The following PSTPIP2 variants were observed in gnomAD, a reference collection of about 807,000 sequenced individuals.
The protein encoded by PSTPIP2 is proline-serine-threonine phosphatase interacting protein 2.
Under a neutral mutation model 63.3 loss-of-function variants are expected in PSTPIP2, and 33 were observed. The observed-to-expected ratio is 0.52, with a 90% CI of 0.40 to 0.70. PSTPIP2 has a LOEUF of 0.70. PSTPIP2 is among the 30% of genes least tolerant of loss of function. The pLI is 0.00. For synonymous variants in PSTPIP2, 125 were observed against 132.7 expected (o/e 0.94, Z 0.40); for missense variants, 312 against 400.7 (o/e 0.78, Z 1.89).
At chr18:46,042,450 C>A (rs1211368155) in intron 1 of PSTPIP2, among the ~76,000 whole-genome samples, 2 of 152,096 alleles carry the variant, frequency 1.3e-5, no homozygotes, top group Admixed American at 1.3e-4. Context: ...TCTCAGAGTC[C>A]CCAGCATCTG....
chr18:46,063,159 T>C (rs921052832), intron 1 of PSTPIP2, among the ~76,000 whole-genome samples: 1 of 152,130 alleles, frequency 6.6e-6, no homozygotes, highest in Non-Finnish European at 1.5e-5. Flanking sequence ...CTGGCCACCA[T>C]GCCTTGCTAA....
chr18:46,061,306 CAAA>C (rs112035966), intron 1 of PSTPIP2, among the ~76,000 whole-genome samples: 5 of 115,886 alleles, frequency 4.3e-5, no homozygotes, highest in Admixed American at 9.0e-5. Flanking sequence ...TCCATTTCAC[CAAA>C]AAAAAAAAAA....
chr18:46,056,463 T>C lies in PSTPIP2; in HGVS notation c.33+15693A>G, dbSNP rs112101833. On this transcript the variant is annotated intron_variant, in intron 1 of 14. Coordinates refer to ENST00000409746, the MANE Select transcript of PSTPIP2 (RefSeq NM_024430.4). ...GCGTGGTTGCTCATGCCTGTAATCC[T>C]AGTGCTTTGGGAGGCCAAGGTGGGA... 5.7e-3 allele frequency among the ~76,000 whole-genome samples: 872 copies of C among 152,336 alleles called. 16 individuals carry two copies. Among genetic ancestry groups the C allele is most frequent in the Admixed American group, 0.032 (490 of 15,290 alleles).
At chr18:46,068,375 G>A (rs1341032427) in intron 1 of PSTPIP2, among the ~76,000 whole-genome samples, 1 of 152,112 alleles carries the variant, frequency 6.6e-6, no homozygotes, top group East Asian at 1.9e-4. Flanking sequence ...TCAGCTCACT[G>A]CAAGCTCCAC....
intron 1 of PSTPIP2, among the ~76,000 whole-genome samples, chr18:46,044,627 A>G (rs79700463): frequency 0.57 from 85,751 of 151,680 alleles, 24,429 homozygotes; most frequent in African/African-American, 0.64. Context: ...AACACTAAAA[A>G]CAATGGCAAC....
intron 14 of PSTPIP2, 67 bp from the exon 15 acceptor site, chr18:45,985,517 G>A (rs2051457845): frequency 6.5e-7 from 1 of 1,534,474 alleles, no homozygotes; most frequent in East Asian, 2.3e-5. Flanking sequence ...CTCCTACCTT[G>A]AGAGTATATT....
Position 45,989,495 on chromosome 18 carries a change from CT to C in PSTPIP2, c.956-737del, listed in dbSNP as rs557972194. 2.7e-3 allele frequency among the ~76,000 whole-genome samples: 416 copies of C among 152,316 alleles called. 3 individuals carry two copies. Among genetic ancestry groups the C allele is most frequent in the African/African-American group, 9.5e-3 (393 of 41,562 alleles). ...TGTAAGTCCAATTAAGCCTCTTTTT[CT>C]TCCCAGTCTTGGGTATGTCTTTATC... is the stretch of plus-strand genomic sequence containing the variant. On this transcript the variant is annotated intron_variant, in intron 13 of 14. Transcript: ENST00000409746.
chr18:45,997,577 T>C (rs1016213629), intron 9 of PSTPIP2, among the ~76,000 whole-genome samples, 172 bp downstream of exon 9: 7 of 150,312 alleles, frequency 4.7e-5, no homozygotes, highest in African/African-American at 1.2e-4. Context: ...CTCCAGGTTC[T>C]GGGCAGAAGA....
intron 1 of PSTPIP2, among the ~76,000 whole-genome samples, chr18:46,057,855 G>A (rs1053950957): frequency 5.9e-5 from 9 of 151,608 alleles, no homozygotes; most frequent in Non-Finnish European, 7.4e-5. Context: ...AAAATTAGCC[G>A]GGCGTGGTGG....
chr18:46,024,940 C>G (rs1183742950), intron 2 of PSTPIP2, among the ~76,000 whole-genome samples: 3 of 152,176 alleles, frequency 2.0e-5, no homozygotes, highest in Non-Finnish European at 2.9e-5. Flanking sequence ...TACAGTAAAA[C>G]TGAACATTTG....
intron 1 of PSTPIP2, among the ~76,000 whole-genome samples, chr18:46,053,841 C>T (rs948918517): frequency 1.3e-5 from 2 of 152,088 alleles, no homozygotes; most frequent in Non-Finnish European, 2.9e-5. Flanking sequence ...AAATGCATAG[C>T]GCTAAGTAAA....
intron 3 of PSTPIP2, among the ~76,000 whole-genome samples, chr18:46,018,488 C>T (rs1307682743): frequency 1.3e-5 from 2 of 152,082 alleles, no homozygotes; most frequent in East Asian, 1.9e-4. Flanking sequence ...CCTGCCTCAG[C>T]CTCCCGAGTA....
chr18:46,015,430 G>T (rs113698632), intron 4 of PSTPIP2, among the ~76,000 whole-genome samples: 1 of 152,140 alleles, frequency 6.6e-6, no homozygotes, highest in African/African-American at 2.4e-5. Context: ...TGAGGCAGGT[G>T]GGGGTGTGGA....
chr18:46,039,776 A>G (rs1198113641), intron 2 of PSTPIP2, among the ~76,000 whole-genome samples, 171 bp downstream of exon 2: 1 of 152,188 alleles, frequency 6.6e-6, no homozygotes, highest in Non-Finnish European at 1.5e-5. Flanking sequence ...ACTTGTTTCT[A>G]AGAACTTTAG....
chr18:46,038,950 A>G lies in PSTPIP2; in HGVS notation c.134+997T>C, dbSNP rs573792641. The stretch of plus-strand genomic sequence containing the variant: ...TCGAGAGTTTGAGACCAGCCTGACC[A>G]ACATGGAGAAACCCCATCTCTACTA... On this transcript the variant is annotated intron_variant, in intron 2 of 14. Transcript: ENST00000409746. 5.9e-5 allele frequency among the ~76,000 whole-genome samples: 9 copies of G among 152,336 alleles called. No individual in the cohort carries two copies. In the East Asian group the frequency reaches 1.7e-3, roughly 29 times the overall value.
chr18:46,024,166 C>T (rs1265908559), intron 3 of PSTPIP2, among the ~76,000 whole-genome samples: 1 of 151,844 alleles, frequency 6.6e-6, no homozygotes, highest in African/African-American at 2.4e-5. Flanking sequence ...GAGACAGAGT[C>T]TTGCTCTGAC....
chr18:46,004,405 TAGAG>T, intron 6 of PSTPIP2, among the ~76,000 whole-genome samples: 1 of 152,350 alleles, frequency 6.6e-6, no homozygotes, highest in African/African-American at 2.4e-5. Flanking sequence ...ACATAAAAGC[TAGAG>T]AGAGATTTCT....
chr18:45,997,888 AC>A lies in PSTPIP2; in HGVS notation c.563-61del, dbSNP rs2144067347. 2.0e-6 allele frequency: 3 copies of A among 1,470,062 alleles called. No homozygotes were observed. The Admixed American group carries it at 5.0e-5, about 25-fold the overall frequency. 91.1% of individuals were successfully genotyped at this position (1,470,062 alleles called of 1,614,324 possible). On this transcript the variant is annotated intron_variant, in intron 8 of 14. Transcript: ENST00000409746. Reference sequence around the variant, plus strand: ...AGACAGGAAGGTGGCTCGCAGATACACCCACAGGCTGGTCTCAGATGGCAAA... The same window carrying A: ...AGACAGGAAGGTGGCTCGCAGATACACCACAGGCTGGTCTCAGATGGCAAA...
intron 3 of PSTPIP2, among the ~76,000 whole-genome samples, chr18:46,020,580 A>G (rs1013585756): frequency 4.6e-5 from 7 of 152,134 alleles, no homozygotes; most frequent in African/African-American, 1.7e-4. Flanking sequence ...TGAACCCCGG[A>G]GGCAGAGGTT....
Sources: allele counts gnomAD v4.1 joint callset (sites outside exome capture counted in the v4.1 genomes callset), GRCh38; gene constraint gnomAD v4.1.1; transcripts MANE v1.5; gene names NCBI Gene and HGNC (gene_info 2026-07-23, HGNC 2026-07-21).